ERBIN: variants seen among roughly 807,000 people sequenced by gnomAD.
ERBIN encodes densin-180-like protein.
ERBIN carries 60 observed loss-of-function variants against 158.4 expected under a neutral mutation model. The observed-to-expected ratio is 0.38, with a 90% CI of 0.31 to 0.47. The LOEUF is 0.47. Among genes scored for constraint, ERBIN ranks in the 20% least tolerant of loss-of-function variants. The pLI is 0.99. For missense variants in ERBIN, 1,610 were observed against 1,648.0 expected, an observed-to-expected ratio of 0.98 and a Z score of 0.40; for synonymous variants, 594 against 557.2, an observed-to-expected ratio of 1.07 and a Z score of -0.93.
At position 66,054,759 on chromosome 5, in the gene ERBIN, C is replaced by T; in HGVS notation, c.3441C>T (p.Pro1147=). The part of the protein sequence containing the change: ...PNASRPQSAR[P]SINEIPERTM... ...CATCAAGACCTCAGAGTGCTCGACCCTCTATTAATGAAATACCAGAGAGAA... is the reference window on the plus strand; with the variant it reads ...CATCAAGACCTCAGAGTGCTCGACCTTCTATTAATGAAATACCAGAGAGAA... The change falls in exon 21 of 26, where the codon CCC becomes CCT. Residue 1147 remains proline, a synonymous_variant. Coordinates refer to ENST00000284037, the MANE Select transcript of ERBIN (RefSeq NM_001253697.2). The T allele has an allele frequency of 6.8e-6, 11 of 1,614,118 alleles. No homozygotes were observed. Among genetic ancestry groups the T allele is most frequent in the Non-Finnish European group, 8.5e-6 (10 of 1,180,010 alleles).
intron 1 of ERBIN, among the ~76,000 whole-genome samples, chr5:65,930,660 C>A (rs1743251748): frequency 6.6e-6 from 1 of 152,116 alleles, no homozygotes; most frequent in Admixed American, 6.6e-5. Context: ...CTTTAGTGTT[C>A]TTAAAATTGA....
intron 11 of ERBIN, 33 bp downstream of exon 11, chr5:66,025,585 G>T (rs755178885): frequency 6.7e-7 from 1 of 1,487,892 alleles, no homozygotes; most frequent in South Asian, 1.2e-5. Context: ...CACCCTCGAA[G>T]ATTTTACTTT....
At chr5:66,061,579 T>A (rs941156514) in intron 21 of ERBIN, among the ~76,000 whole-genome samples, 3 of 152,248 alleles carry the variant, frequency 2.0e-5, no homozygotes, top group Admixed American at 2.0e-4. Flanking sequence ...AATTTGATCC[T>A]GTCATTATGA....
chr5:65,966,680 C>CAA lies in ERBIN; in HGVS notation c.-57-21927_-57-21926dup, dbSNP rs70987105. 5.6e-4 allele frequency among the ~76,000 whole-genome samples: 28 copies of CAA among 50,146 alleles called. 1 individual carries two copies. Among genetic ancestry groups the CAA allele is most frequent in the African/African-American group, 1.1e-3 (15 of 13,216 alleles). The allele number at this position is 50,146 out of a possible 152,430, so 32.9% of individuals were successfully genotyped here. A position where few individuals can be genotyped will look rare whatever the true frequency, so the allele number is the denominator to read the frequency against. ...GGGCAACAAGAGTGAAACTCTGTCT[C>CAA]AAAAAAAAAAAAAAAAAAAAAAAAA... On this transcript the variant is annotated intron_variant, in intron 1 of 25. Coordinates refer to ENST00000284037, the MANE Select transcript of ERBIN (RefSeq NM_001253697.2).
chr5:65,954,517 G>C (rs568096688), intron 1 of ERBIN, among the ~76,000 whole-genome samples: 1 of 152,278 alleles, frequency 6.6e-6, no homozygotes, highest in African/African-American at 2.4e-5. Flanking sequence ...TGAGGATTCA[G>C]TTTAATGAAA....
intron 4 of ERBIN, among the ~76,000 whole-genome samples, chr5:66,000,607 G>A (rs902121725): frequency 9.2e-5 from 14 of 152,102 alleles, no homozygotes; most frequent in African/African-American, 3.4e-4. Context: ...GTTACTTATT[G>A]CTGCCAATAA....
chr5:65,961,732 T>C (rs1388409902), intron 1 of ERBIN, among the ~76,000 whole-genome samples: 1 of 152,198 alleles, frequency 6.6e-6, no homozygotes, highest in Non-Finnish European at 1.5e-5. Flanking sequence ...AGTTCTCTTA[T>C]TCTGTAGTCT....
intron 7 of ERBIN, among the ~76,000 whole-genome samples, chr5:66,015,632 G>A (rs2151114120): frequency 6.6e-6 from 1 of 152,080 alleles, no homozygotes; most frequent in South Asian, 2.1e-4. Context: ...ATCAAGATTT[G>A]CCCACCCAGC....
Position 66,054,142 on chromosome 5 carries a change from G to A in ERBIN, c.2824G>A (p.Ala942Thr). Residue 942 changes from alanine to threonine, a missense_variant, in exon 21 of 26, where the codon GCA (alanine) becomes ACA (threonine). Ala to Thr is a moderately conservative substitution (Grantham distance 58). Transcript: ENST00000284037. Reference sequence around the variant, plus strand: ...TTCTGATTTAATATCAGGAACAAAGGCAATTTTCAAGTTTGATTCAAATCA... The same window carrying A: ...TTCTGATTTAATATCAGGAACAAAGACAATTTTCAAGTTTGATTCAAATCA... The part of the protein sequence containing the change: ...SSSDLISGTK[A>T]IFKFDSNHNP... 3.7e-6 allele frequency: 6 copies of A among 1,614,030 alleles called. No individual in the cohort carries two copies. The highest frequency in any genetic ancestry group is 1.1e-5 in the South Asian group (1 of 91,080).
intron 10 of ERBIN, 67 bp from the exon 11 acceptor site, chr5:66,025,413 A>G (rs1338354707): frequency 8.5e-7 from 1 of 1,178,078 alleles, no homozygotes; most frequent in African/African-American, 1.5e-5. Context: ...TATGTCTCAC[A>G]CTGACTGTTG....
Position 66,054,413 on chromosome 5 carries a change from A to G in ERBIN, c.3095A>G (p.Asn1032Ser), listed in dbSNP as rs781105951. The G allele has an allele frequency of 6.2e-7, 1 of 1,614,038 alleles. No individual in the cohort carries two copies. Among genetic ancestry groups the G allele is most frequent in the African/African-American group, 1.3e-5 (1 of 74,930 alleles). The change falls in exon 21 of 26, where the codon AAT becomes AGT. Residue 1032 changes from asparagine (N) to serine (S), a missense_variant. Around this residue, in one of 2 missense-constraint regions of ERBIN, gnomAD observed 1,014 missense variants for 936.1 expected, o/e 1.08. Coordinates refer to ENST00000284037, the MANE Select transcript of ERBIN (RefSeq NM_001253697.2). ...AKHSANMNFS[N>S]HNNVRANTAY... The stretch of plus-strand genomic sequence containing the variant: ...CATTCTGCCAATATGAATTTCTCTA[A>G]TCATAACAATGTTCGAGCTAATACT...
chr5:65,953,009 G>A (rs1178046932), intron 1 of ERBIN, among the ~76,000 whole-genome samples: 1 of 152,172 alleles, frequency 6.6e-6, no homozygotes, highest in Non-Finnish European at 1.5e-5. Context: ...ATAAGACCCT[G>A]GGAGGCCAGG....
At chr5:65,940,504 C>T (rs1470109547) in intron 1 of ERBIN, among the ~76,000 whole-genome samples, 1 of 119,608 alleles carries the variant, frequency 8.4e-6, no homozygotes, top group Non-Finnish European at 1.7e-5. Context: ...GCCGCCCCGT[C>T]TGGGAGGGAG....
intron 1 of ERBIN, among the ~76,000 whole-genome samples, chr5:65,983,514 T>C (rs1398856380): frequency 6.6e-6 from 1 of 152,230 alleles, no homozygotes; most frequent in African/African-American, 2.4e-5. Context: ...TTAATAATGT[T>C]CATAAAATGA....
At chr5:66,002,304 A>G (rs543713989) in intron 4 of ERBIN, among the ~76,000 whole-genome samples, 46 of 152,318 alleles carry the variant, frequency 3.0e-4, no homozygotes, top group African/African-American at 6.5e-4. Flanking sequence ...TTTTAAAGTT[A>G]TAAAAAGTTC....
chr5:65,935,117 C>A (rs1743921399), intron 1 of ERBIN, among the ~76,000 whole-genome samples: 1 of 152,092 alleles, frequency 6.6e-6, no homozygotes, highest in Non-Finnish European at 1.5e-5. Flanking sequence ...TATGTACTTA[C>A]ACATATTTAC....
chr5:65,993,064 A>G (rs1752046732), intron 3 of ERBIN, among the ~76,000 whole-genome samples, 157 bp downstream of exon 3: 1 of 152,186 alleles, frequency 6.6e-6, no homozygotes. Context: ...CAAATTTTTA[A>G]AAGTCGATTT....
At chr5:66,023,749 C>T in intron 9 of ERBIN, among the ~76,000 whole-genome samples, 1 of 150,082 alleles carries the variant, frequency 6.7e-6, no homozygotes, top group Non-Finnish European at 1.5e-5. Flanking sequence ...GATCTCGGCT[C>T]ACTGCGAGCT....
chr5:66,011,331 G>A, intron 4 of ERBIN, among the ~76,000 whole-genome samples: 1 of 152,160 alleles, frequency 6.6e-6, no homozygotes, highest in Non-Finnish European at 1.5e-5. Context: ...TCTATCTGCA[G>A]CTTTATTTTC....
Sources: allele counts gnomAD v4.1 joint callset (sites outside exome capture counted in the v4.1 genomes callset), GRCh38; gene constraint gnomAD v4.1.1; regional missense constraint gnomAD v4.1.1; transcripts MANE v1.5; gene names NCBI Gene and HGNC (gene_info 2026-07-23, HGNC 2026-07-21).